The following ALK variants were observed in gnomAD, a reference collection of about 807,000 sequenced individuals.
ALK encodes the protein ALK tyrosine kinase receptor.
In ALK, 74 loss-of-function variants were observed where a neutral mutation model predicts 163.1. The observed-to-expected ratio is 0.45, with a 90% CI of 0.38 to 0.55. The LOEUF (loss-of-function observed/expected upper bound fraction) is 0.55, where lower values mean the gene tolerates loss of function less well. ALK is among the 20% of genes least tolerant of loss of function. The pLI is 0.00. For synonymous variants in ALK, 960 were observed against 843.2 expected (o/e 1.14, Z -2.40); for missense variants, 2,063 against 2,105.3 (o/e 0.98, Z 0.39).
Position 29,890,091 on chromosome 2 carries a change from G to A in ALK, c.667+29902C>T, listed in dbSNP as rs1330970323. On this transcript the variant is annotated intron_variant, in intron 1 of 28. Transcript: ENST00000389048. ...AAGTAGGAGAGAGACAAGCTCTGCTGGGTCTTTAACCAGGCATTTATCTTG... is the reference window on the plus strand; with the variant it reads ...AAGTAGGAGAGAGACAAGCTCTGCTAGGTCTTTAACCAGGCATTTATCTTG... 2.9e-4 allele frequency among the ~76,000 whole-genome samples: 44 copies of A among 152,166 alleles called. 1 individual carries two copies. The highest frequency in any genetic ancestry group is 2.9e-3 in the Admixed American group (44 of 15,262).
At chr2:29,427,215 C>A (rs552887835) in intron 4 of ALK, among the ~76,000 whole-genome samples, 1 of 151,866 alleles carries the variant, frequency 6.6e-6, no homozygotes, top group Non-Finnish European at 1.5e-5. Flanking sequence ...GTAATTTTAA[C>A]ATACAAAAAA....
intron 5 of ALK, among the ~76,000 whole-genome samples, chr2:29,354,181 C>T (rs529961855): frequency 2.0e-5 from 3 of 152,306 alleles, no homozygotes; most frequent in African/African-American, 7.2e-5. Flanking sequence ...CTGAGGAGCA[C>T]AGGATGTTCC....
chr2:29,780,925 G>A (rs1558485330), intron 1 of ALK, among the ~76,000 whole-genome samples: 1 of 152,224 alleles, frequency 6.6e-6, no homozygotes, highest in African/African-American at 2.4e-5. Flanking sequence ...TAAAGAAAAG[G>A]TCAGGTAGGA....
intron 1 of ALK, among the ~76,000 whole-genome samples, chr2:29,850,276 C>T (rs1289188357): frequency 6.6e-6 from 1 of 152,150 alleles, no homozygotes; most frequent in Non-Finnish European, 1.5e-5. Context: ...GGACTGGTTC[C>T]CTGCAGGGAG....
chr2:29,613,550 G>T (rs1470647335), intron 3 of ALK, among the ~76,000 whole-genome samples: 2 of 152,150 alleles, frequency 1.3e-5, no homozygotes, highest in Non-Finnish European at 2.9e-5. Context: ...CCTTGTTGCG[G>T]ACCTCAGCTG....
chr2:29,706,877 G>T (rs925177025), intron 2 of ALK, among the ~76,000 whole-genome samples: 6 of 152,072 alleles, frequency 3.9e-5, no homozygotes, highest in Admixed American at 3.3e-4. Flanking sequence ...AGGTGGCATG[G>T]CCTAGGGCTT....
intron 2 of ALK, among the ~76,000 whole-genome samples, chr2:29,706,975 A>ATGTGTGTGTGTGTGTGTGTG (rs766564449): frequency 9.7e-6 from 1 of 102,784 alleles, no homozygotes; most frequent in Non-Finnish European, 2.1e-5. Context: ...CTCATGCAGA[A>ATGTGTGTGTGTGTGTGTGTG]TGTGTGTGTG....
At chr2:29,218,821 A>C (rs191651816) in intron 23 of ALK, among the ~76,000 whole-genome samples, 19 of 152,388 alleles carry the variant, frequency 1.2e-4, no homozygotes, top group Admixed American at 9.8e-4. Context: ...ATCTCAGGGC[A>C]TGAGGGCCAA....
rs548172483 is a variant in ALK at position 29,304,306 on chromosome 2, G to C, written c.1648-7249C>G. Among the ~76,000 whole-genome samples, 4 of 152,158 alleles carry C rather than the reference G, an allele frequency of 2.6e-5. No individual in the cohort carries two copies. In the East Asian group the frequency reaches 7.7e-4, roughly 29 times the overall value. ...AGGTCAGGAGTTCTAGACCAGCCTG[G>C]TCAATATGGTGAAACCCTGTCTCTA... On this transcript the variant is annotated intron_variant, in intron 8 of 28. Transcript: ENST00000389048.
rs143505558 is a variant in ALK, at chr2:29,333,081, G to T, written c.1283-4600C>A. Reference sequence around the variant, plus strand: ...GGTATCCCTCTGCTGTTTTATTTTGGATTTCTTTGATAGCCAGTGAAGTTG... The same window carrying T: ...GGTATCCCTCTGCTGTTTTATTTTGTATTTCTTTGATAGCCAGTGAAGTTG... On this transcript the variant is annotated intron_variant, in intron 5 of 28. Coordinates refer to ENST00000389048, the MANE Select transcript of ALK (RefSeq NM_004304.5). 3.4e-3 allele frequency among the ~76,000 whole-genome samples: 519 copies of T among 151,980 alleles called. 3 individuals are homozygous for T. The highest frequency in any genetic ancestry group is 0.011 in the African/African-American group (460 of 41,444).
chr2:29,369,304 A>G (rs1668585640), intron 5 of ALK, among the ~76,000 whole-genome samples: 2 of 134,468 alleles, frequency 1.5e-5, no homozygotes, highest in South Asian at 4.6e-4. Context: ...GCACACGTGC[A>G]TATTTGTGTG....
chr2:29,894,956 G>C (rs2148427190), intron 1 of ALK, among the ~76,000 whole-genome samples: 1 of 151,980 alleles, frequency 6.6e-6, no homozygotes, highest in African/African-American at 2.4e-5. Flanking sequence ...ACAATCAATG[G>C]GAACCATAAA....
At position 29,337,983 on chromosome 2, in the gene ALK, T is replaced by C. The variant is rs147788872; in HGVS notation, c.1283-9502A>G. 2.4e-4 allele frequency among the ~76,000 whole-genome samples: 37 copies of C among 152,280 alleles called. No homozygotes were observed. In the East Asian group the frequency reaches 6.2e-3, roughly 25 times the overall value. On this transcript the variant is annotated intron_variant, in intron 5 of 28. Coordinates refer to ENST00000389048, the MANE Select transcript of ALK (RefSeq NM_004304.5). ...GATGCTGCCTAATGTACAAGATTTA[T>C]GTGAGGATGAAACGAAATCATGTGG... is the stretch of plus-strand genomic sequence containing the variant.
intron 3 of ALK, among the ~76,000 whole-genome samples, chr2:29,609,241 G>A (rs1675621964): frequency 6.6e-6 from 1 of 152,072 alleles, no homozygotes; most frequent in Non-Finnish European, 1.5e-5. Context: ...AGTTTTTAAT[G>A]CCTGTGCCTT....
chr2:29,394,891 C>A (rs1488960000), intron 4 of ALK, among the ~76,000 whole-genome samples: 2 of 151,060 alleles, frequency 1.3e-5, no homozygotes, highest in African/African-American at 4.9e-5. Flanking sequence ...TTCTTCAATA[C>A]ATCATCCCCA....
chr2:29,450,729 T>A (rs1226380377), intron 4 of ALK, among the ~76,000 whole-genome samples: 2 of 152,190 alleles, frequency 1.3e-5, no homozygotes, highest in African/African-American at 4.8e-5. Flanking sequence ...AATTTTCATG[T>A]TTGCAGGACT....
intron 1 of ALK, among the ~76,000 whole-genome samples, chr2:29,888,564 G>A (rs932717245): frequency 6.6e-6 from 1 of 152,154 alleles, no homozygotes; most frequent in African/African-American, 2.4e-5. Context: ...TCCGAACTCA[G>A]AGGCACATGG....
intron 4 of ALK, among the ~76,000 whole-genome samples, chr2:29,414,634 C>T (rs192940457): frequency 2.6e-5 from 4 of 152,320 alleles, no homozygotes; most frequent in East Asian, 1.9e-4. Context: ...AACCCACTTA[C>T]GAGAACAAAC....
chr2:29,650,243 T>C (rs79226984), intron 3 of ALK, among the ~76,000 whole-genome samples: 2,283 of 152,270 alleles, frequency 0.015, 30 homozygotes, highest in South Asian at 0.046. Flanking sequence ...ATCTTCTAAT[T>C]CTGTATTGGT....
Sources: allele counts gnomAD v4.1 joint callset (sites outside exome capture counted in the v4.1 genomes callset), GRCh38; gene constraint gnomAD v4.1.1; transcripts MANE v1.5; gene names NCBI Gene and HGNC (gene_info 2026-07-23, HGNC 2026-07-21).